Variants in MACROD2 observed in about 807,000 individuals in gnomAD.
The protein encoded by MACROD2 is ADP-ribose glycohydrolase MACROD2.
A neutral mutation model predicts 70.4 loss-of-function variants in MACROD2; 36 were observed. That is an observed-to-expected ratio of 0.51 (90% CI 0.39 to 0.68). The LOEUF (loss-of-function observed/expected upper bound fraction) is 0.68, where lower values mean the gene tolerates loss of function less well. MACROD2 is among the 30% of genes least tolerant of loss of function. The pLI is 0.00. For synonymous variants in MACROD2, 172 were observed against 178.8 expected (o/e 0.96, Z 0.30); for missense variants, 496 against 538.4 (o/e 0.92, Z 0.78).
intron 4 of MACROD2, among the ~76,000 whole-genome samples, chr20:14,559,029 C>A (rs886735953): frequency 6.6e-6 from 1 of 151,640 alleles, no homozygotes; most frequent in African/African-American, 2.4e-5. Flanking sequence ...TGAGTTGTAA[C>A]GTTCTTGATA....
chr20:15,738,073 G>A (rs2051050888), intron 8 of MACROD2, among the ~76,000 whole-genome samples: 1 of 152,170 alleles, frequency 6.6e-6, no homozygotes, highest in African/African-American at 2.4e-5. Context: ...AGGGATGGGA[G>A]AGAAGTTAGA....
At chr20:14,324,264 C>G (rs760491473) in intron 3 of MACROD2, 3 of 145,220 alleles carry the variant, frequency 2.1e-5, no homozygotes, top group Non-Finnish European at 4.5e-5. Flanking sequence ...GGCCAAAGGG[C>G]GTACAATGCA....
At chr20:15,344,767 A>T (rs1317214233) in intron 6 of MACROD2, among the ~76,000 whole-genome samples, 2 of 152,178 alleles carry the variant, frequency 1.3e-5, no homozygotes, top group Non-Finnish European at 2.9e-5. Context: ...TAGTGACTAG[A>T]AGATAAGTAG....
At chr20:14,747,895 G>A (rs907658592) in intron 5 of MACROD2, among the ~76,000 whole-genome samples, 1 of 152,068 alleles carries the variant, frequency 6.6e-6, no homozygotes, top group Non-Finnish European at 1.5e-5. Flanking sequence ...CAGTATCCAC[G>A]TGTAATAAAG....
intron 5 of MACROD2, among the ~76,000 whole-genome samples, chr20:14,879,356 G>T (rs2073586007): frequency 6.6e-6 from 1 of 152,138 alleles, no homozygotes; most frequent in Non-Finnish European, 1.5e-5. Context: ...AAGTTAGCAT[G>T]AATTTGACCT....
intron 3 of MACROD2, among the ~76,000 whole-genome samples, chr20:14,386,613 T>C (rs1445862127): frequency 1.3e-4 from 20 of 151,062 alleles, no homozygotes; most frequent in Admixed American, 1.3e-3. Context: ...TCTCTCTCTC[T>C]TGCTCGCTTC....
intron 5 of MACROD2, among the ~76,000 whole-genome samples, chr20:14,707,110 T>C (rs2071278614): frequency 1.3e-5 from 2 of 152,158 alleles, no homozygotes; most frequent in South Asian, 4.1e-4. Flanking sequence ...TGTTTACTCC[T>C]CTCTGTTTGA....
chr20:14,273,972 A>G (rs1235193710), intron 3 of MACROD2, among the ~76,000 whole-genome samples: 1 of 152,196 alleles, frequency 6.6e-6, no homozygotes, highest in African/African-American at 2.4e-5. Context: ...GAATAGACCA[A>G]TAACAGGCTC....
intron 8 of MACROD2, among the ~76,000 whole-genome samples, chr20:15,755,342 C>G (rs2146987982): frequency 6.6e-6 from 1 of 152,278 alleles, no homozygotes; most frequent in East Asian, 1.9e-4. Context: ...GTGCTTTAAA[C>G]TAGAACAACC....
chr20:14,437,983 T>C (rs540888532), intron 3 of MACROD2, among the ~76,000 whole-genome samples: 8 of 152,100 alleles, frequency 5.3e-5, no homozygotes, highest in Middle Eastern at 3.2e-3. Context: ...TTAGCAAAAA[T>C]CCTGAAAAAA....
intron 6 of MACROD2, among the ~76,000 whole-genome samples, chr20:15,255,315 A>T (rs1874271647): frequency 6.6e-6 from 1 of 152,044 alleles, no homozygotes; most frequent in African/African-American, 2.4e-5. Flanking sequence ...TTTGATTTGT[A>T]AAGTTTAGGT....
intron 6 of MACROD2, among the ~76,000 whole-genome samples, chr20:15,368,104 A>G (rs577755907): frequency 2.0e-5 from 3 of 152,196 alleles, no homozygotes; most frequent in Admixed American, 6.5e-5. Flanking sequence ...TATGGAAAAG[A>G]AAAAGATCCA....
At chr20:14,842,909 A>G (rs2073102026) in intron 5 of MACROD2, among the ~76,000 whole-genome samples, 1 of 152,028 alleles carries the variant, frequency 6.6e-6, no homozygotes, top group Non-Finnish European at 1.5e-5. Flanking sequence ...CTTGGGCTTT[A>G]TTTCCTGTCT....
intron 8 of MACROD2, among the ~76,000 whole-genome samples, chr20:15,570,916 G>T (rs2048368676): frequency 6.6e-6 from 1 of 152,056 alleles, no homozygotes; most frequent in Non-Finnish European, 1.5e-5. Context: ...AAAGGTAGCA[G>T]GGGATCAACA....
chr20:14,557,558 G>A (rs1052831272), intron 4 of MACROD2, among the ~76,000 whole-genome samples: 1 of 151,816 alleles, frequency 6.6e-6, no homozygotes, highest in Non-Finnish European at 1.5e-5. Context: ...TTTGGATTAG[G>A]CAAGGGTTCT....
chr20:15,852,766 C>A (rs528624757), intron 8 of MACROD2, among the ~76,000 whole-genome samples: 1 of 152,302 alleles, frequency 6.6e-6, no homozygotes, highest in Middle Eastern at 3.4e-3. Context: ...ATACCATGGC[C>A]TATTTTCATG....
intron 3 of MACROD2, among the ~76,000 whole-genome samples, chr20:14,102,346 A>G (rs2054312671): frequency 6.6e-6 from 1 of 152,122 alleles, no homozygotes; most frequent in African/African-American, 2.4e-5. Context: ...GAGGGACTCA[A>G]GAGCCTGTTG....
At chr20:14,083,714 C>T (rs1426264071) in intron 2 of MACROD2, among the ~76,000 whole-genome samples, 2 of 152,026 alleles carry the variant, frequency 1.3e-5, no homozygotes, top group Non-Finnish European at 2.9e-5. Flanking sequence ...TTCTCTATGT[C>T]ATTAACATAC....
At chr20:15,750,562 A>G (rs1053127982) in intron 8 of MACROD2, among the ~76,000 whole-genome samples, 1 of 114,288 alleles carries the variant, frequency 8.7e-6, no homozygotes, top group Admixed American at 9.3e-5. Context: ...AGGTTCCTCA[A>G]AAAAAAAAAT....
Sources: allele counts gnomAD v4.1 joint callset (sites outside exome capture counted in the v4.1 genomes callset), GRCh38; gene constraint gnomAD v4.1.1; transcripts MANE v1.5; gene names NCBI Gene and HGNC (gene_info 2026-07-23, HGNC 2026-07-21).